PCDH15: variants seen among roughly 807,000 people sequenced by gnomAD.
PCDH15 encodes the protein protocadherin related 15.
PCDH15 carries 129 observed loss-of-function variants against 178.5 expected under a neutral mutation model. The ratio of observed to expected loss-of-function variants is 0.72; its 90% CI spans 0.63 to 0.84. PCDH15 has a LOEUF of 0.84. PCDH15 is among the 40% of genes least tolerant of loss of function. The pLI is 0.00. For missense variants in PCDH15, 2,230 were observed against 2,099.9 expected (o/e 1.06, Z -1.21); for synonymous variants, 800 against 732.0 (o/e 1.09, Z -1.50).
chr10:55,065,531 T>A (rs148963478), intron 2 of PCDH15, among the ~76,000 whole-genome samples: 1 of 152,178 alleles, frequency 6.6e-6, no homozygotes, highest in African/African-American at 2.4e-5. Flanking sequence ...TTAAATAGTC[T>A]TGTATGTATC....
At chr10:54,147,178 T>C in intron 14 of PCDH15, among the ~76,000 whole-genome samples, 1 of 151,624 alleles carries the variant, frequency 6.6e-6, no homozygotes, top group South Asian at 2.1e-4. Context: ...AATATGATTA[T>C]CCTACAGTGA....
At chr10:54,461,007 T>G (rs1246799611) in intron 3 of PCDH15, among the ~76,000 whole-genome samples, 1 of 151,948 alleles carries the variant, frequency 6.6e-6, no homozygotes, top group Non-Finnish European at 1.5e-5. Context: ...GATTCTTTTT[T>G]ATAAATTATT....
At chr10:55,074,521 G>A (rs1274523128) in intron 2 of PCDH15, among the ~76,000 whole-genome samples, 2 of 152,132 alleles carry the variant, frequency 1.3e-5, no homozygotes, top group African/African-American at 4.8e-5. Context: ...CTTTTGAGAA[G>A]TGTCTGTTCA....
rs796065889 is a variant in PCDH15, at chr10:54,501,236, TAA to T, written c.157+26574_157+26575del. 4.0e-3 allele frequency among the ~76,000 whole-genome samples: 429 copies of T among 107,548 alleles called. 3 individuals carry two copies. Among genetic ancestry groups the T allele is most frequent in the African/African-American group, 0.014 (406 of 29,284 alleles). The allele number at this position is 107,548 out of a possible 152,430, so 70.6% of individuals were successfully genotyped here. A position where few individuals can be genotyped will look rare whatever the true frequency, so the allele number is the denominator to read the frequency against. On this transcript the variant is annotated intron_variant, in intron 3 of 37. Coordinates refer to ENST00000644397, the MANE Select transcript of PCDH15 (RefSeq NM_001384140.1). ...TATCCCAGAAATTAAAGTATAATAA[TAA>T]AAAAAAAAAAGGTTCCACAAGGTAC...
intron 2 of PCDH15, among the ~76,000 whole-genome samples, chr10:54,541,954 C>A (rs540410238): frequency 5.3e-5 from 8 of 152,140 alleles, no homozygotes; most frequent in South Asian, 4.2e-4. Context: ...AAATAAAATT[C>A]TTTGCCACAA....
At chr10:53,822,281 T>A in intron 32 of PCDH15, 1 of 1,612,782 alleles carries the variant, frequency 6.2e-7, no homozygotes, top group Non-Finnish European at 8.5e-7. Context: ...GAAGAGGAGT[T>A]GGAAATGGAG....
chr10:53,995,616 A>G, intron 21 of PCDH15, 33 bp downstream of exon 21: 4 of 1,613,688 alleles, frequency 2.5e-6, no homozygotes, highest in Non-Finnish European at 3.4e-6. Context: ...TTCTCAGTAC[A>G]GTTCAGAATA....
intron 1 of PCDH15, among the ~76,000 whole-genome samples, chr10:55,233,436 G>A (rs1424859068): frequency 6.6e-6 from 1 of 152,048 alleles, no homozygotes; most frequent in Non-Finnish European, 1.5e-5. Flanking sequence ...GATTCATAAA[G>A]CACATGAAGA....
chr10:54,692,872 C>A (rs1469449990), intron 1 of PCDH15, among the ~76,000 whole-genome samples: 3 of 151,918 alleles, frequency 2.0e-5, no homozygotes, highest in African/African-American at 7.3e-5. Flanking sequence ...TAAATAAAAC[C>A]ATTCTTTTTT....
intron 1 of PCDH15, among the ~76,000 whole-genome samples, chr10:54,711,317 C>T (rs1277582232): frequency 6.6e-6 from 1 of 151,946 alleles, no homozygotes; most frequent in Non-Finnish European, 1.5e-5. Flanking sequence ...GTGTTGATAA[C>T]ATATCTTTTG....
chr10:53,874,907 A>G (rs1299507063), intron 26 of PCDH15, among the ~76,000 whole-genome samples: 3 of 152,084 alleles, frequency 2.0e-5, no homozygotes, highest in Admixed American at 2.0e-4. Context: ...TAGAAATAAA[A>G]AAAAATTAGA....
At chr10:54,070,894 T>A (rs2135857986) in intron 17 of PCDH15, among the ~76,000 whole-genome samples, 1 of 152,230 alleles carries the variant, frequency 6.6e-6, no homozygotes, top group Non-Finnish European at 1.5e-5. Context: ...ATCCAGCTCA[T>A]CTTTTGTTTT....
At chr10:54,109,621 A>G (rs1324202162) in intron 15 of PCDH15, among the ~76,000 whole-genome samples, 6 of 152,204 alleles carry the variant, frequency 3.9e-5, no homozygotes, top group Non-Finnish European at 7.4e-5. Flanking sequence ...TCATTTATTC[A>G]TGTGAGCTGA....
chr10:55,245,797 T>A (rs1454583091), intron 1 of PCDH15, among the ~76,000 whole-genome samples: 1 of 151,972 alleles, frequency 6.6e-6, no homozygotes, highest in Non-Finnish European at 1.5e-5. Context: ...CACTCTATGA[T>A]AGATAGCATA....
At position 54,044,765 on chromosome 10, in the gene PCDH15, A is replaced by G. The variant is rs1365997328; in HGVS notation, c.2221-21568T>C. ...AGAAGGCTATTGCTGGATTTATATA[A>G]TCTAAAAACATCAAAATCAGGTAAA... is the stretch of plus-strand genomic sequence containing the variant. On this transcript the variant is annotated intron_variant, in intron 18 of 37. Transcript: ENST00000644397. Among the ~76,000 whole-genome samples, 6 of 152,288 alleles carry G rather than the reference A, an allele frequency of 3.9e-5. No homozygotes were observed. In the South Asian group the frequency reaches 6.2e-4, roughly 16 times the overall value.
At chr10:54,907,305 T>A (rs2131830915) in intron 2 of PCDH15, among the ~76,000 whole-genome samples, 1 of 152,340 alleles carries the variant, frequency 6.6e-6, no homozygotes, top group Non-Finnish European at 1.5e-5. Flanking sequence ...CCCAATATAA[T>A]TATGCATGTA....
chr10:54,928,931 T>G (rs1837698352), intron 2 of PCDH15, among the ~76,000 whole-genome samples: 1 of 152,150 alleles, frequency 6.6e-6, no homozygotes, highest in Non-Finnish European at 1.5e-5. Flanking sequence ...CTTCTGCAAT[T>G]TCAGCAATCT....
chr10:54,976,029 G>T (rs1378031722), intron 2 of PCDH15, among the ~76,000 whole-genome samples: 2 of 152,026 alleles, frequency 1.3e-5, no homozygotes, highest in Non-Finnish European at 1.5e-5. Flanking sequence ...GTGTATCATG[G>T]AATTTTAAAA....
chr10:55,273,399 C>T (rs1169773240), intron 1 of PCDH15, among the ~76,000 whole-genome samples: 3 of 151,976 alleles, frequency 2.0e-5, no homozygotes, highest in Non-Finnish European at 2.9e-5. Context: ...TACTGCTTGC[C>T]TTTGATTTGT....
Sources: gnomAD v4.1 joint callset for allele counts (sites outside exome capture counted in the v4.1 genomes callset) on GRCh38, gnomAD v4.1.1 for gene constraint, MANE v1.5 for transcripts, NCBI Gene and HGNC (gene_info 2026-07-23, HGNC 2026-07-21) for gene names.